SMOC1: variants seen among roughly 807,000 people sequenced by gnomAD.
The protein encoded by SMOC1 is SPARC-related modular calcium-binding protein 1.
A neutral mutation model predicts 56.3 loss-of-function variants in SMOC1; 22 were observed. That is an observed-to-expected ratio of 0.39 (90% CI 0.28 to 0.56). The LOEUF is 0.56. Among genes scored for constraint, SMOC1 ranks in the 20% least tolerant of loss-of-function variants. The pLI, the probability that SMOC1 is intolerant of heterozygous loss-of-function variation, is 0.61. For synonymous variants in SMOC1, 193 were observed against 215.0 expected (o/e 0.90, Z 0.89); for missense variants, 509 against 565.4 (o/e 0.90, Z 1.01).
chr14:69,907,377 G>T (rs1364591902), intron 1 of SMOC1, among the ~76,000 whole-genome samples: 1 of 152,158 alleles, frequency 6.6e-6, no homozygotes, highest in Non-Finnish European at 1.5e-5. Flanking sequence ...CATGCTTACT[G>T]ATTATCTATT....
At chr14:70,021,550 C>T (rs1044583672) in intron 10 of SMOC1, among the ~76,000 whole-genome samples, 4 of 152,304 alleles carry the variant, frequency 2.6e-5, no homozygotes, top group African/African-American at 7.2e-5. Context: ...TCACACCTTC[C>T]GCCAGGTACT....
chr14:69,992,424 G>T lies in SMOC1; in HGVS notation c.534G>T (p.Gly178=). ...TTTTAACCCTCAATTCAGATGACGG[G>T]TCTAAGCCGACACCCACGATGGAGA... The part of the protein sequence containing the change: ...SQGNSGRKDD[G]SKPTPTMETQ... Residue 178 remains glycine, a synonymous_variant, in exon 6 of 12, where the codon GGG becomes GGT. Coordinates refer to ENST00000361956, the MANE Select transcript of SMOC1 (RefSeq NM_001034852.3). The T allele has an allele frequency of 6.2e-7, 1 of 1,614,056 alleles. No homozygotes were observed. Among genetic ancestry groups the T allele is most frequent in the Non-Finnish European group, 8.5e-7 (1 of 1,179,964 alleles).
rs533490423 is a variant in SMOC1 at position 69,920,737 on chromosome 14, T to C, written c.100-31401T>C. ...CGTGGGATAAGAGCTACAAAGGAGA[T>C]CTGCTTTGCCTGGGGCTTTGTCTGG... is the stretch of plus-strand genomic sequence containing the variant. On this transcript the variant is annotated intron_variant, in intron 1 of 11. Transcript: ENST00000361956. Among the ~76,000 whole-genome samples the C allele has an allele frequency of 9.1e-4, 139 of 152,206 alleles. 1 individual carries two copies. The highest frequency in any genetic ancestry group is 3.3e-3 in the African/African-American group (135 of 41,534).
chr14:69,926,769 A>C (rs1885023600), intron 1 of SMOC1, among the ~76,000 whole-genome samples: 1 of 152,260 alleles, frequency 6.6e-6, no homozygotes, highest in South Asian at 2.1e-4. Context: ...CCAAAGAGCC[A>C]TAATTGGGTG....
chr14:69,924,621 G>A (rs1884940706), intron 1 of SMOC1, among the ~76,000 whole-genome samples: 1 of 151,166 alleles, frequency 6.6e-6, no homozygotes, highest in South Asian at 2.1e-4. Flanking sequence ...TGCCTGTCTT[G>A]TACAGGGGAG....
chr14:69,987,314 G>A lies in SMOC1; in HGVS notation c.527-5103G>A, dbSNP rs549494213. Among the ~76,000 whole-genome samples the A allele has an allele frequency of 6.6e-5, 10 of 152,298 alleles. No homozygotes were observed. The South Asian group carries it at 2.1e-3, about 32-fold the overall frequency. On this transcript the variant is annotated intron_variant, in intron 5 of 11. Coordinates refer to ENST00000361956, the MANE Select transcript of SMOC1 (RefSeq NM_001034852.3). Reference sequence around the variant, plus strand: ...AGCCCAAGAATTGAAGGGGACTTGGGATTGTTGACAGACCTTCCACATCTC... The same window carrying A: ...AGCCCAAGAATTGAAGGGGACTTGGAATTGTTGACAGACCTTCCACATCTC...
chr14:69,902,851 T>C (rs12590367), intron 1 of SMOC1, among the ~76,000 whole-genome samples: 132,417 of 151,886 alleles, frequency 0.87, 58,179 homozygotes, highest in East Asian at 0.97. Context: ...AGCTCCTAAC[T>C]GCGAGTGATC....
chr14:70,017,827 A>G (rs1885573450), intron 10 of SMOC1, among the ~76,000 whole-genome samples: 1 of 152,172 alleles, frequency 6.6e-6, no homozygotes, highest in South Asian at 2.1e-4. Context: ...AGGCTGAGAA[A>G]GTGTTGCAGG....
At chr14:69,938,964 G>A (rs1056482988) in intron 1 of SMOC1, among the ~76,000 whole-genome samples, 2 of 152,176 alleles carry the variant, frequency 1.3e-5, no homozygotes, top group African/African-American at 2.4e-5. Context: ...GTGTGTGCAC[G>A]CATGTCGCTG....
At chr14:69,906,627 AT>A (rs1160372849) in intron 1 of SMOC1, among the ~76,000 whole-genome samples, 2 of 152,194 alleles carry the variant, frequency 1.3e-5, no homozygotes, top group African/African-American at 2.4e-5. Context: ...TTTTGGGAAA[AT>A]TTGCTATACA....
chr14:69,896,131 A>C (rs2139314900), intron 1 of SMOC1, among the ~76,000 whole-genome samples: 1 of 152,294 alleles, frequency 6.6e-6, no homozygotes, highest in Non-Finnish European at 1.5e-5. Flanking sequence ...GGTGTGATCC[A>C]GTGTACTTGG....
intron 1 of SMOC1, among the ~76,000 whole-genome samples, chr14:69,929,380 A>G (rs1885101890): frequency 6.6e-6 from 1 of 152,198 alleles, no homozygotes; most frequent in African/African-American, 2.4e-5. Flanking sequence ...TGACCAATCC[A>G]TGGAATGAGC....
At chr14:70,012,318 C>A (rs1171371975) in intron 9 of SMOC1, among the ~76,000 whole-genome samples, 2 of 152,214 alleles carry the variant, frequency 1.3e-5, no homozygotes, top group East Asian at 3.8e-4. Flanking sequence ...TTTTAGCTAA[C>A]CCCTCAACAA....
intron 1 of SMOC1, among the ~76,000 whole-genome samples, chr14:69,889,414 G>A (rs149261146): frequency 2.4e-3 from 364 of 152,318 alleles, no homozygotes; most frequent in Middle Eastern, 6.8e-3. Flanking sequence ...ATGATGGCAT[G>A]TGTCACCATC....
chr14:69,947,126 T>TTCCTTCCTTCCC (rs1555360732), intron 1 of SMOC1, among the ~76,000 whole-genome samples: 1 of 144,446 alleles, frequency 6.9e-6, no homozygotes, highest in Non-Finnish European at 1.5e-5. Flanking sequence ...CCTTCCTTCC[T>TTCCTTCCTTCCC]TCCCTCCCTC....
chr14:69,971,013 C>T (rs1279760357), intron 3 of SMOC1, among the ~76,000 whole-genome samples: 1 of 152,114 alleles, frequency 6.6e-6, no homozygotes, highest in East Asian at 1.9e-4. Flanking sequence ...ACCTTTGAGA[C>T]CCCTAGTTAC....
chr14:69,952,017 T>A (rs1423376506), intron 1 of SMOC1, 121 bp from the exon 2 acceptor site: 8 of 1,150,208 alleles, frequency 7.0e-6, no homozygotes, highest in Non-Finnish European at 9.0e-6. Flanking sequence ...ACCTTTAGGG[T>A]TTTATTTGGG....
rs146788316 is a variant in SMOC1, at chr14:69,879,745, C to T, written c.67C>T (p.Pro23Ser). Residue 23 changes from proline to serine, a missense_variant, in exon 1 of 12, where the codon CCT (proline) becomes TCT (serine). Coordinates refer to ENST00000361956, the MANE Select transcript of SMOC1 (RefSeq NM_001034852.3). ...HLLLVLVQLS[P>S]ARGHRTTGPR... Reference sequence around the variant, plus strand: ...GCTGCTGGTGTTGGTGCAGCTGTCCCCTGCTCGCGGCCACCGCACCACAGG... The same window carrying T: ...GCTGCTGGTGTTGGTGCAGCTGTCCTCTGCTCGCGGCCACCGCACCACAGG... 1.1e-5 allele frequency: 18 copies of T among 1,593,260 alleles called. No individual in the cohort carries two copies. The African/African-American group carries it at 2.3e-4, about 20-fold the overall frequency.
At chr14:69,950,351 C>T (rs1489628319) in intron 1 of SMOC1, among the ~76,000 whole-genome samples, 2 of 152,168 alleles carry the variant, frequency 1.3e-5, no homozygotes, top group Non-Finnish European at 2.9e-5. Flanking sequence ...TGTGTATTTC[C>T]AGTACTCCCT....
Sources: gnomAD v4.1 joint callset for allele counts (sites outside exome capture counted in the v4.1 genomes callset) on GRCh38, gnomAD v4.1.1 for gene constraint, MANE v1.5 for transcripts, NCBI Gene and HGNC (gene_info 2026-07-23, HGNC 2026-07-21) for gene names.